Variants in TENM3 observed in about 807,000 individuals in gnomAD.
The protein encoded by TENM3 is teneurin-3.
A neutral mutation model predicts 255.1 loss-of-function variants in TENM3; 63 were observed. The observed-to-expected ratio is 0.25, with a 90% CI of 0.20 to 0.30. TENM3 has a LOEUF of 0.30. Ranked by LOEUF, TENM3 falls within the 10% of genes least tolerant of loss-of-function variation. TENM3 has a pLI of 1.00. For missense variants in TENM3, 2,929 were observed against 3,461.1 expected (o/e 0.85, Z 3.86); for synonymous variants, 1,306 against 1,322.3 (o/e 0.99, Z 0.27).
the TENM3 span, among the ~76,000 whole-genome samples, chr4:181,645,220 C>T: frequency 2.6e-5 from 4 of 152,294 alleles, no homozygotes; most frequent in African/African-American, 9.6e-5. Context: ...TTTTGGAAGA[C>T]CTCTTTGGGA....
chr4:182,341,979 A>C (rs1236104061), intron 2 of TENM3, among the ~76,000 whole-genome samples: 1 of 152,236 alleles, frequency 6.6e-6, no homozygotes, highest in Non-Finnish European at 1.5e-5. Flanking sequence ...GAGAACCAAT[A>C]GATGATAACA....
chr4:182,524,504 G>A (rs1201034032), intron 3 of TENM3, among the ~76,000 whole-genome samples: 1 of 151,634 alleles, frequency 6.6e-6, no homozygotes, highest in Non-Finnish European at 1.5e-5. Context: ...GGCTACAGGT[G>A]TGCACCACCA....
chr4:182,208,675 C>T (rs1033346104), intron 1 of TENM3, among the ~76,000 whole-genome samples: 1 of 152,118 alleles, frequency 6.6e-6, no homozygotes, highest in African/African-American at 2.4e-5. Context: ...AAGTAGGCAG[C>T]AGGCTGGATT....
At chr4:181,472,046 G>C in the TENM3 span, among the ~76,000 whole-genome samples, 1 of 152,028 alleles carries the variant, frequency 6.6e-6, no homozygotes, top group Non-Finnish European at 1.5e-5. Flanking sequence ...GGGTCTTCCT[G>C]GGAGAAAGGA....
chr4:182,369,738 G>A (rs1166644408), intron 3 of TENM3, among the ~76,000 whole-genome samples: 1 of 151,994 alleles, frequency 6.6e-6, no homozygotes, highest in Non-Finnish European at 1.5e-5. Context: ...AAAATTAGCT[G>A]GGCGTGGTGG....
chr4:181,917,925 G>A, the TENM3 span, among the ~76,000 whole-genome samples: 1 of 152,012 alleles, frequency 6.6e-6, no homozygotes, highest in Non-Finnish European at 1.5e-5. Context: ...GCCTCCCAAG[G>A]TGCTGGGATT....
the TENM3 span, among the ~76,000 whole-genome samples, chr4:181,804,885 CG>C: frequency 6.6e-6 from 1 of 152,074 alleles, no homozygotes; most frequent in Admixed American, 6.5e-5. Context: ...TGCCTATATC[CG>C]GGGCAGCCTG....
At chr4:181,889,486 C>G in the TENM3 span, among the ~76,000 whole-genome samples, 1 of 152,170 alleles carries the variant, frequency 6.6e-6, no homozygotes, top group Admixed American at 6.5e-5. Context: ...TATTCCTTTA[C>G]AGCAACGCAA....
At chr4:181,957,380 A>G in the TENM3 span, among the ~76,000 whole-genome samples, 1 of 152,206 alleles carries the variant, frequency 6.6e-6, no homozygotes, top group Non-Finnish European at 1.5e-5. Flanking sequence ...AAGGGGGCGG[A>G]TCACAAAGTA....
At chr4:182,728,719 C>T (rs776980804) in intron 13 of TENM3, among the ~76,000 whole-genome samples, 16 of 151,938 alleles carry the variant, frequency 1.1e-4, no homozygotes, top group Non-Finnish European at 1.0e-4. Flanking sequence ...GAAAAGGTAC[C>T]GTAAAAATAC....
At chr4:181,665,448 T>C in the TENM3 span, among the ~76,000 whole-genome samples, 32 of 152,210 alleles carry the variant, frequency 2.1e-4, no homozygotes, top group Non-Finnish European at 4.1e-4. Context: ...AGTACAAATA[T>C]TATATGTGCA....
At chr4:182,305,419 G>A (rs762995617) in intron 1 of TENM3, among the ~76,000 whole-genome samples, 12 of 152,050 alleles carry the variant, frequency 7.9e-5, no homozygotes, top group East Asian at 1.9e-4. Context: ...TGTTTATTTC[G>A]AAGTAGGCCG....
At chr4:181,951,445 C>G in the TENM3 span, among the ~76,000 whole-genome samples, 2 of 152,336 alleles carry the variant, frequency 1.3e-5, no homozygotes, top group Admixed American at 6.5e-5. Context: ...TTACATGTGA[C>G]ATGTTGACAG....
intron 1 of TENM3, among the ~76,000 whole-genome samples, chr4:182,278,726 G>A (rs1431739828): frequency 6.6e-6 from 1 of 151,790 alleles, no homozygotes; most frequent in African/African-American, 2.4e-5. Flanking sequence ...TTCGTGATTT[G>A]ATTAATGAAT....
chr4:181,590,257 C>A, the TENM3 span, among the ~76,000 whole-genome samples: 117 of 152,300 alleles, frequency 7.7e-4, 1 homozygote, highest in East Asian at 0.017. Flanking sequence ...TATCCCCCAA[C>A]ACAGGCTCCT....
chr4:182,646,691 GGGATT>G (rs1752777382), intron 5 of TENM3, among the ~76,000 whole-genome samples: 2 of 152,080 alleles, frequency 1.3e-5, no homozygotes, highest in Admixed American at 1.3e-4. Flanking sequence ...GCAGTGAGCC[GGGATT>G]GCGCCACTGC....
At chr4:182,091,288 AC>A in the TENM3 span, among the ~76,000 whole-genome samples, 1 of 152,200 alleles carries the variant, frequency 6.6e-6, no homozygotes, top group Non-Finnish European at 1.5e-5. Context: ...AATCCAATCA[AC>A]AAAAAGTATA....
In TENM3 at chr4:182,375,335, C is replaced by A. The variant is rs574271807; in HGVS notation, c.511+28406C>A. Among the ~76,000 whole-genome samples, 10 of 151,820 alleles carry A rather than the reference C, an allele frequency of 6.6e-5. No individual in the cohort carries two copies. In the South Asian group the frequency reaches 1.0e-3, roughly 16 times the overall value. ...AATAAAGCCACACCCCAAATAGATGCCTGGTTAAATGTTTTCAACAGCGGA... is the reference window on the plus strand; with the variant it reads ...AATAAAGCCACACCCCAAATAGATGACTGGTTAAATGTTTTCAACAGCGGA... On this transcript the variant is annotated intron_variant, in intron 3 of 27. Coordinates refer to ENST00000511685, the MANE Select transcript of TENM3 (RefSeq NM_001080477.4).
chr4:181,943,208 T>C, the TENM3 span, among the ~76,000 whole-genome samples: 1 of 152,138 alleles, frequency 6.6e-6, no homozygotes, highest in Non-Finnish European at 1.5e-5. Flanking sequence ...TATTTGAGCA[T>C]AGAAGATTTA....
Sources: allele counts gnomAD v4.1 joint callset (sites outside exome capture counted in the v4.1 genomes callset), GRCh38; gene constraint gnomAD v4.1.1; transcripts MANE v1.5; gene names NCBI Gene and HGNC (gene_info 2026-07-23, HGNC 2026-07-21).